Variants in SDC3 observed in about 807,000 individuals in gnomAD.
The protein encoded by SDC3 is syndecan-3.
Under a neutral mutation model 24.4 loss-of-function variants are expected in SDC3, and 13 were observed. The observed-to-expected ratio is 0.53, with a 90% CI of 0.35 to 0.85. SDC3 has a LOEUF of 0.85. SDC3 is among the 40% of genes least tolerant of loss of function. The probability of loss-of-function intolerance (pLI) is 0.01; values close to 1 mark genes in which losing one functional copy is unlikely to be tolerated. For synonymous variants in SDC3, 295 were observed against 260.9 expected, an observed-to-expected ratio of 1.13 and a Z score of -1.26; for missense variants, 571 against 584.5, an observed-to-expected ratio of 0.98 and a Z score of 0.24.
Position 30,908,615 on chromosome 1 carries a change from G to A in SDC3, c.-29C>T, listed in dbSNP as rs1187865560. 3.3e-6 allele frequency: 3 copies of A among 908,192 alleles called. No individual in the cohort carries two copies. Among genetic ancestry groups the A allele is most frequent in the South Asian group, 4.9e-5 (1 of 20,414 alleles). The allele number at this position is 908,192 out of a possible 1,614,324, so 56.3% of individuals were successfully genotyped here. A position where few individuals can be genotyped will look rare whatever the true frequency, so the allele number is the denominator to read the frequency against. On this transcript the variant is annotated 5_prime_UTR_variant, in exon 1 of 5. Transcript: ENST00000339394. ...GGCGGCGCGGGCGCGGGCGGCGGGC[G>A]GCGGGCGGGCGCCTTTGTTCCCGAG...
At chr1:30,883,127 T>C (rs983189646) in intron 1 of SDC3, among the ~76,000 whole-genome samples, 9 of 152,168 alleles carry the variant, frequency 5.9e-5, no homozygotes, top group Non-Finnish European at 1.0e-4. Flanking sequence ...AGACGATTAA[T>C]GCCCGGAGAG....
At chr1:30,873,474 G>A in intron 4 of SDC3, 97 bp from the exon 5 acceptor site, 1 of 806,716 alleles carries the variant, frequency 1.2e-6, no homozygotes, top group Non-Finnish European at 2.0e-6. Flanking sequence ...AGAGGGCTGG[G>A]AGTCCCAGAT....
At chr1:30,891,352 C>T (rs997861889) in intron 1 of SDC3, among the ~76,000 whole-genome samples, 1 of 152,270 alleles carries the variant, frequency 6.6e-6, no homozygotes, top group Non-Finnish European at 1.5e-5. Context: ...CCCAGCACAG[C>T]TGGCAGCCGC....
chr1:30,908,015 G>A (rs1164693829), intron 1 of SDC3, among the ~76,000 whole-genome samples: 1 of 152,206 alleles, frequency 6.6e-6, no homozygotes, highest in Admixed American at 6.5e-5. Flanking sequence ...GCGACCCCCA[G>A]CCCGCCGCCG....
intron 1 of SDC3, among the ~76,000 whole-genome samples, chr1:30,899,221 G>A (rs567554214): frequency 6.6e-6 from 1 of 151,872 alleles, no homozygotes; most frequent in Admixed American, 6.5e-5. Context: ...GGAGTAGCTG[G>A]GATTACAGGT....
At chr1:30,899,789 G>T (rs1638374848) in intron 1 of SDC3, among the ~76,000 whole-genome samples, 1 of 152,128 alleles carries the variant, frequency 6.6e-6, no homozygotes, top group African/African-American at 2.4e-5. Flanking sequence ...ACATGCACCT[G>T]CCACCAGTAA....
Position 30,870,275 on chromosome 1 carries a change from C to T in SDC3, c.*2936G>A, listed in dbSNP as rs1262285160. Reference sequence around the variant, plus strand: ...AGGGGACCAGTCTTTCAGGCAAGGCCCCCATCTGGCCTCCTGGCCTCCTGG... The same window carrying T: ...AGGGGACCAGTCTTTCAGGCAAGGCTCCCATCTGGCCTCCTGGCCTCCTGG... On this transcript the variant is annotated 3_prime_UTR_variant, in exon 5 of 5. Transcript: ENST00000339394. 3 of 188,680 alleles carry T rather than the reference C, an allele frequency of 1.6e-5. No individual in the cohort carries two copies. Among genetic ancestry groups the T allele is most frequent in the Non-Finnish European group, 3.2e-5 (3 of 92,846 alleles). The allele number at this position is 188,680 out of a possible 1,614,324, so 11.7% of individuals were successfully genotyped here.
At chr1:30,892,408 C>T (rs1480569157) in intron 1 of SDC3, among the ~76,000 whole-genome samples, 1 of 152,036 alleles carries the variant, frequency 6.6e-6, no homozygotes, top group Admixed American at 6.5e-5. Flanking sequence ...CAAGGTTGCC[C>T]ACCAGCCTTA....
intron 1 of SDC3, among the ~76,000 whole-genome samples, chr1:30,896,677 C>G (rs998383539): frequency 6.6e-6 from 1 of 152,110 alleles, no homozygotes; most frequent in African/African-American, 2.4e-5. Context: ...GTGGGATGTA[C>G]AGACTGGGCT....
intron 1 of SDC3, among the ~76,000 whole-genome samples, chr1:30,897,592 C>T (rs1207646259): frequency 1.3e-5 from 2 of 152,162 alleles, no homozygotes; most frequent in Non-Finnish European, 2.9e-5. Context: ...TTCAGGTACC[C>T]AGCAAGGCCT....
chr1:30,909,416 G>C (rs1051656788), upstream of SDC3, among the ~76,000 whole-genome samples: 1 of 152,168 alleles, frequency 6.6e-6, no homozygotes. Context: ...CCAGCTGTGC[G>C]CCTCCAGCAA....
At chr1:30,878,768 C>T (rs2124314799) in intron 1 of SDC3, 28 bp from the exon 2 acceptor site, 1 of 1,600,318 alleles carries the variant, frequency 6.2e-7, no homozygotes, top group Non-Finnish European at 8.6e-7. Context: ...GGACACAGGG[C>T]TCGGCACCCG....
At chr1:30,896,968 C>CA (rs766955202) in intron 1 of SDC3, among the ~76,000 whole-genome samples, 17 of 151,942 alleles carry the variant, frequency 1.1e-4, no homozygotes, top group East Asian at 9.7e-4. Flanking sequence ...ATGCCAAAAA[C>CA]AAAAAAACAG....
At chr1:30,874,251 T>A (rs1639591178) in intron 4 of SDC3, 46 bp downstream of exon 4, 1 of 1,504,030 alleles carries the variant, frequency 6.6e-7, no homozygotes, top group African/African-American at 1.4e-5. Flanking sequence ...GCTGTCTCAC[T>A]CTGGTATCCT....
At chr1:30,892,979 G>A (rs1570017101) in intron 1 of SDC3, among the ~76,000 whole-genome samples, 1 of 152,284 alleles carries the variant, frequency 6.6e-6, no homozygotes, top group East Asian at 1.9e-4. Context: ...ACAGCAGCGT[G>A]GCCCCCTCCC....
chr1:30,884,225 G>C (rs1266047877), intron 1 of SDC3, among the ~76,000 whole-genome samples: 1 of 152,104 alleles, frequency 6.6e-6, no homozygotes, highest in African/African-American at 2.4e-5. Context: ...CAGAAGCCCG[G>C]GGAGGAGTGG....
chr1:30,894,270 T>G (rs1332472179), intron 1 of SDC3, among the ~76,000 whole-genome samples: 2 of 131,646 alleles, frequency 1.5e-5, no homozygotes, highest in South Asian at 2.6e-4. Flanking sequence ...TGTGTGTGGG[T>G]GAGTGTGTGT....
rs1490910070 is a variant in SDC3 at position 30,871,499 on chromosome 1, C to G, written c.*1712G>C. The G allele has an allele frequency of 6.6e-6, 1 of 152,314 alleles. No homozygotes were observed. The highest frequency in any genetic ancestry group is 2.4e-5 in the African/African-American group (1 of 41,476). The allele number at this position is 152,314 out of a possible 1,614,324, so 9.4% of individuals were successfully genotyped here. A position where few individuals can be genotyped will look rare whatever the true frequency, so the allele number is the denominator to read the frequency against. ...TATCACCTGGTCTCATCCCTCAAAC[C>G]CTGACCTCGGGGCCTGAGGGATCTG... On this transcript the variant is annotated 3_prime_UTR_variant, in exon 5 of 5. Coordinates refer to ENST00000339394, the MANE Select transcript of SDC3 (RefSeq NM_014654.4).
chr1:30,881,991 C>T (rs955761543), intron 1 of SDC3, among the ~76,000 whole-genome samples: 1 of 152,168 alleles, frequency 6.6e-6, no homozygotes, highest in South Asian at 2.1e-4. Context: ...AACATCCACA[C>T]CCACGCGCCA....
Sources: gnomAD v4.1 joint callset for allele counts (sites outside exome capture counted in the v4.1 genomes callset) on GRCh38, gnomAD v4.1.1 for gene constraint, MANE v1.5 for transcripts, NCBI Gene and HGNC (gene_info 2026-07-23, HGNC 2026-07-21) for gene names.